CREB3L3: variants seen among roughly 807,000 people sequenced by gnomAD.
CREB3L3 encodes the protein cyclic AMP-responsive element-binding protein 3-like protein 3.
A neutral mutation model predicts 44.6 loss-of-function variants in CREB3L3; 40 were observed. The ratio of observed to expected loss-of-function variants is 0.90; its 90% CI spans 0.70 to 1.17. CREB3L3 has a LOEUF of 1.17. CREB3L3 is among the 50% of genes most tolerant of loss of function. The pLI is 0.00. For missense variants in CREB3L3, 578 were observed against 595.8 expected (o/e 0.97, Z 0.31); for synonymous variants, 273 against 256.3 (o/e 1.06, Z -0.62).
Position 4,155,106 on chromosome 19 carries a change from C to T in CREB3L3, c.156+79C>T, listed in dbSNP as rs376301162. On this transcript the variant is annotated intron_variant, in intron 2 of 9. Coordinates refer to ENST00000078445, the MANE Select transcript of CREB3L3 (RefSeq NM_032607.3). ...TGAGGCCCCACGAAGGTGCTAGACC[C>T]GCCAGAGCCCAGCCAGAGCTCTGCT... 193 of 1,559,974 alleles carry T rather than the reference C, an allele frequency of 1.2e-4. 1 individual carries two copies. The highest frequency in any genetic ancestry group is 7.1e-4 in the African/African-American group (53 of 74,176).
In CREB3L3 at chr19:4,157,197, A is replaced by C. The variant is rs763935586; in HGVS notation, c.359A>C (p.Lys120Thr). Reference protein sequence around the residue: ...PAGCHPAQPGKGPCLSYHPGN... With the variant: ...PAGCHPAQPGTGPCLSYHPGN... ...GGCTGCCATCCTGCCCAGCCTGGCAAGGGGCCCTGCCTCTCCTATCATCCT... is the reference window on the plus strand; with the variant it reads ...GGCTGCCATCCTGCCCAGCCTGGCACGGGGCCCTGCCTCTCCTATCATCCT... Residue 120 changes from lysine to threonine, a missense_variant, in exon 3 of 10, where the codon AAG becomes ACG. By Grantham distance (78) the Lys-to-Thr change is moderately conservative. Transcript: ENST00000078445. The C allele has an allele frequency of 3.1e-6, 5 of 1,613,856 alleles. No individual in the cohort carries two copies. Among genetic ancestry groups the C allele is most frequent in the Admixed American group, 1.7e-5 (1 of 59,968 alleles).
intron 6 of CREB3L3, among the ~76,000 whole-genome samples, chr19:4,169,287 C>T (rs544632283): frequency 2.1e-4 from 32 of 151,492 alleles, no homozygotes; most frequent in South Asian, 8.4e-4. Flanking sequence ...TTCAGGAGAT[C>T]GAGACCACGG....
intron 4 of CREB3L3, among the ~76,000 whole-genome samples, chr19:4,160,356 G>T (rs146941915): frequency 2.0e-5 from 3 of 151,768 alleles, no homozygotes; most frequent in Non-Finnish European, 4.4e-5. Flanking sequence ...TATGCCAGGC[G>T]CTCTTTATTT....
At chr19:4,169,872 T>A (rs1193140367) in intron 6 of CREB3L3, among the ~76,000 whole-genome samples, 1 of 152,118 alleles carries the variant, frequency 6.6e-6, no homozygotes, top group Non-Finnish European at 1.5e-5. Context: ...GTGCTGGGAT[T>A]ACAGGTGTGA....
Position 4,157,176 on chromosome 19 carries a change from G to A in CREB3L3, c.338G>A (p.Cys113Tyr). The A allele has an allele frequency of 6.2e-7, 1 of 1,613,956 alleles. No individual in the cohort carries two copies. The highest frequency in any genetic ancestry group is 8.5e-7 in the Non-Finnish European group (1 of 1,179,988). Reference sequence around the variant, plus strand: ...GGACCAGCCACCTCCCCCGCCGGCTGCCATCCTGCCCAGCCTGGCAAGGGG... The same window carrying A: ...GGACCAGCCACCTCCCCCGCCGGCTACCATCCTGCCCAGCCTGGCAAGGGG... ...RSGPATSPAG[C>Y]HPAQPGKGPC... The change falls in exon 3 of 10, where the codon TGC becomes TAC. Residue 113 changes from cysteine (C) to tyrosine (Y), a missense_variant. By Grantham distance (194) the Cys-to-Tyr change is radical. Transcript: ENST00000078445.
At chr19:4,168,145 C>T (rs1379921574) in intron 5 of CREB3L3, among the ~76,000 whole-genome samples, 8 of 151,742 alleles carry the variant, frequency 5.3e-5, no homozygotes, top group Non-Finnish European at 8.8e-5. Context: ...ATTACAGGCA[C>T]CCGCCACCAT....
In CREB3L3 at chr19:4,159,737, T is replaced by C; in HGVS notation, c.531T>C (p.Asn177=). ...CGGTGGACCTGTCCCCACGATGCAA[T>C]CTCACCGTGAAAGACCTCCTCCTTT... ...ADPVDLSPRC[N]LTVKDLLLSG... is the part of the protein sequence containing the mutation. The change falls in exon 4 of 10, where the codon AAT becomes AAC. Residue 177 remains asparagine, a synonymous_variant. Coordinates refer to ENST00000078445, the MANE Select transcript of CREB3L3 (RefSeq NM_032607.3). 1 of 1,594,582 alleles carries C rather than the reference T, an allele frequency of 6.3e-7. No individual in the cohort carries two copies. Among genetic ancestry groups the C allele is most frequent in the South Asian group, 1.1e-5 (1 of 90,734 alleles).
intron 5 of CREB3L3, 67 bp from the exon 6 acceptor site, chr19:4,168,284 C>T: frequency 8.0e-7 from 1 of 1,247,794 alleles, no homozygotes; most frequent in African/African-American, 1.5e-5. Context: ...CAGGCGAGAG[C>T]TACTGCCCCC....
intron 5 of CREB3L3, 78 bp from the exon 6 acceptor site, chr19:4,168,273 A>G: frequency 9.0e-7 from 1 of 1,109,560 alleles, no homozygotes; most frequent in South Asian, 1.2e-5. Context: ...TGCTGGGATT[A>G]CAGGCGAGAG....
At chr19:4,164,308 A>C in intron 4 of CREB3L3, 195 bp from the exon 5 acceptor site, 2 of 666,828 alleles carry the variant, frequency 3.0e-6, no homozygotes, top group Non-Finnish European at 5.3e-6. Context: ...AGGTTTCATC[A>C]TGTTACCCAG....
intron 4 of CREB3L3, 45 bp downstream of exon 4, chr19:4,159,827 GC>G: frequency 1.6e-5 from 14 of 877,046 alleles, no homozygotes; most frequent in Non-Finnish European, 2.6e-5. Flanking sequence ...AGCTGGGAGG[GC>G]TGCTCGGGTT....
rs748038834 is a variant in CREB3L3, at chr19:4,155,079, A to T, written c.156+52A>T. ...GGACCACAGAGCTCCAGGCGGGCCA[A>T]CTGAGGCCCCACGAAGGTGCTAGAC... On this transcript the variant is annotated intron_variant, in intron 2 of 9. Transcript: ENST00000078445. 1.9e-6 allele frequency: 3 copies of T among 1,597,868 alleles called. No individual in the cohort carries two copies. In the East Asian group the frequency reaches 6.7e-5, roughly 36 times the overall value.
Position 4,164,873 on chromosome 19 carries a change from T to C in CREB3L3, c.714+233T>C, listed in dbSNP as rs1033998737. Among the ~76,000 whole-genome samples the C allele has an allele frequency of 4.0e-5, 6 of 151,878 alleles. No individual in the cohort carries two copies. In the East Asian group the frequency reaches 1.2e-3, roughly 30 times the overall value. On this transcript the variant is annotated intron_variant, in intron 5 of 9. Transcript: ENST00000078445. ...ACAGCCATGCGCCACCACGCCCAGC[T>C]AATTTTTGTATCTTTAGTAGAGACA...
At chr19:4,159,585 G>A in intron 3 of CREB3L3, 79 bp from the exon 4 acceptor site, 1 of 783,534 alleles carries the variant, frequency 1.3e-6, no homozygotes, top group East Asian at 2.4e-5. Flanking sequence ...CTTGGTGGAG[G>A]AGGCGGTTAG....
At chr19:4,158,541 C>T (rs2041617054) in intron 3 of CREB3L3, among the ~76,000 whole-genome samples, 1 of 151,882 alleles carries the variant, frequency 6.6e-6, no homozygotes, top group African/African-American at 2.4e-5. Context: ...GTGGTTCACG[C>T]CTGTAATCCC....
At position 4,171,609 on chromosome 19, in the gene CREB3L3, A is replaced by G. The variant is rs1170833213; in HGVS notation, c.1073-47A>G. On this transcript the variant is annotated intron_variant, in intron 9 of 9. Coordinates refer to ENST00000078445, the MANE Select transcript of CREB3L3 (RefSeq NM_032607.3). This position sits in a 1 kb window ranked among gnomAD's most constrained non-coding sequence, Gnocchi z 4.9. The stretch of plus-strand genomic sequence containing the variant: ...TGGGGGCCAGGGAAGGGAGCATAGG[A>G]CCCCACCTCCACCTTGTCCCCTGTG... The G allele has an allele frequency of 6.2e-7, 1 of 1,605,260 alleles. No individual in the cohort carries two copies. The highest frequency in any genetic ancestry group is 8.5e-7 in the Non-Finnish European group (1 of 1,172,614).
In CREB3L3 at chr19:4,171,257, T is replaced by C; in HGVS notation, c.975+82T>C. ...TAGGGAGGTGACAATGAGTCCAAGC[T>C]CTCCTTGTGCCCCAGCTCAAGTATG... On this transcript the variant is annotated intron_variant, in intron 8 of 9. Coordinates refer to ENST00000078445, the MANE Select transcript of CREB3L3 (RefSeq NM_032607.3). The surrounding 1 kb of genome is among the most constrained non-coding windows in gnomAD (Gnocchi z 4.9). The C allele has an allele frequency of 6.9e-7, 1 of 1,459,420 alleles. No homozygotes were observed. 90.4% of individuals were successfully genotyped at this position (1,459,420 alleles called of 1,614,324 possible).
chr19:4,161,322 C>T (rs1222153419), intron 4 of CREB3L3, among the ~76,000 whole-genome samples: 1 of 152,062 alleles, frequency 6.6e-6, no homozygotes, highest in Non-Finnish European at 1.5e-5. Context: ...CTATGTTTCC[C>T]AGGCTGGTCT....
intron 5 of CREB3L3, among the ~76,000 whole-genome samples, chr19:4,167,352 A>AAGAAAGAAAGAAAG (rs377740874): frequency 7.7e-6 from 1 of 130,142 alleles, no homozygotes; most frequent in African/African-American, 2.9e-5. Context: ...GAAAGAAAGA[A>AAGAAAGAAAGAAAG]AGAGAGAGAG....
Sources: allele counts gnomAD v4.1 joint callset (sites outside exome capture counted in the v4.1 genomes callset), GRCh38; gene constraint gnomAD v4.1.1; non-coding constraint Gnocchi (gnomAD v3.1); transcripts MANE v1.5; gene names NCBI Gene and HGNC (gene_info 2026-07-23, HGNC 2026-07-21).